SDHB: variants seen among roughly 807,000 people sequenced by gnomAD.
SDHB encodes the protein succinate dehydrogenase [ubiquinone] iron-sulfur subunit, mitochondrial.
SDHB carries 21 observed loss-of-function variants against 39.7 expected under a neutral mutation model. The ratio of observed to expected loss-of-function variants is 0.53; its 90% CI spans 0.37 to 0.76. The LOEUF (loss-of-function observed/expected upper bound fraction) is 0.76, where lower values mean the gene tolerates loss of function less well. Ranked by LOEUF, SDHB falls within the 30% of genes least tolerant of loss-of-function variation. SDHB has a pLI of 0.00. For synonymous variants in SDHB, 118 were observed against 117.0 expected (o/e 1.01, Z -0.06); for missense variants, 343 against 350.9 (o/e 0.98, Z 0.18).
At chr1:17,019,939 G>A (rs1160821865) in intron 7 of SDHB, among the ~76,000 whole-genome samples, 6 of 152,118 alleles carry the variant, frequency 3.9e-5, no homozygotes, top group Non-Finnish European at 5.9e-5. Context: ...ATCTCACTAT[G>A]TTGTCCAGGC....
intron 1 of SDHB, among the ~76,000 whole-genome samples, chr1:17,050,301 GTCA>G (rs1336565688): frequency 2.0e-5 from 3 of 151,668 alleles, no homozygotes; most frequent in African/African-American, 4.9e-5. Context: ...GCCCCAAAAT[GTCA>G]TCATTTTTTT....
intron 1 of SDHB, chr1:17,052,566 T>A (rs577974398): frequency 3.9e-5 from 6 of 152,242 alleles, no homozygotes; most frequent in Non-Finnish European, 8.8e-5. Flanking sequence ...CACAATTTAA[T>A]TGTTTGCTCA....
intron 3 of SDHB, among the ~76,000 whole-genome samples, chr1:17,029,897 C>T (rs568876299): frequency 6.6e-6 from 1 of 152,204 alleles, no homozygotes; most frequent in East Asian, 1.9e-4. Flanking sequence ...CCATGTGCGG[C>T]GAATTCAAAA....
At chr1:17,041,169 T>C (rs1406493342) in intron 2 of SDHB, among the ~76,000 whole-genome samples, 1 of 152,074 alleles carries the variant, frequency 6.6e-6, no homozygotes, top group Non-Finnish European at 1.5e-5. Context: ...AACTATATAA[T>C]TTCTATTAAT....
chr1:17,041,005 C>T (rs548135110), intron 2 of SDHB, among the ~76,000 whole-genome samples: 44 of 152,222 alleles, frequency 2.9e-4, no homozygotes, highest in African/African-American at 1.0e-3. Context: ...TGGTGCACGT[C>T]TGTAATCCCA....
At chr1:17,028,249 T>C (rs2078002590) in intron 4 of SDHB, among the ~76,000 whole-genome samples, 1 of 152,250 alleles carries the variant, frequency 6.6e-6, no homozygotes, top group African/African-American at 2.4e-5. Context: ...GGCCAAATTA[T>C]TCATTTCTGG....
chr1:17,036,289 T>C (rs1434193093), intron 2 of SDHB, among the ~76,000 whole-genome samples: 1 of 152,140 alleles, frequency 6.6e-6, no homozygotes, highest in African/African-American at 2.4e-5. Flanking sequence ...GTTTTACAGT[T>C]TTTCAGCATA....
rs764875162 is a variant in SDHB at position 17,053,975 on chromosome 1, G to A, written c.45C>T (p.Ala15=). 6 of 1,613,156 alleles carry A rather than the reference G, an allele frequency of 3.7e-6. No individual in the cohort carries two copies. Among genetic ancestry groups the A allele is most frequent in the Admixed American group, 3.3e-5 (2 of 59,980 alleles). Residue 15 remains alanine, a synonymous_variant, in exon 1 of 8, where the codon GCC becomes GCT. Transcript: ENST00000375499. ...GCAGGCAGGCTCCGCCAAGGGTTGT[G>A]GCCGGCAACCGGCGCCTCAAGGAGA... ...VALSLRRRLP[A]TTLGGACLQA... is the part of the protein sequence containing the mutation.
At chr1:17,028,556 C>T (rs1252125618) in intron 4 of SDHB, 44 bp downstream of exon 4, 1 of 1,607,194 alleles carries the variant, frequency 6.2e-7, no homozygotes, top group Admixed American at 1.7e-5. Context: ...TAGCACTGCC[C>T]CCCATGCAAA....
intron 6 of SDHB, 96 bp from the exon 7 acceptor site, chr1:17,022,826 A>G: frequency 6.8e-7 from 1 of 1,476,304 alleles, no homozygotes; most frequent in Non-Finnish European, 9.2e-7. Flanking sequence ...AGGAAAGGGA[A>G]TTCACTCAGC....
rs138127223 is a variant in SDHB, at chr1:17,029,490, G to T, written c.287-754C>A. Among the ~76,000 whole-genome samples the T allele has an allele frequency of 4.6e-4, 69 of 151,458 alleles. No individual in the cohort carries two copies. The East Asian group carries it at 0.013, about 29-fold the overall frequency. The stretch of plus-strand genomic sequence containing the variant: ...CTTGTTGCCCAGGCTGGAGTGCAAT[G>T]CCGCGATCTTGGCTCACTGCAACCT... On this transcript the variant is annotated intron_variant, in intron 3 of 7. Transcript: ENST00000375499.
chr1:17,023,942 T>A, intron 6 of SDHB, 31 bp downstream of exon 6: 1 of 1,537,096 alleles, frequency 6.5e-7, no homozygotes, highest in Non-Finnish European at 9.0e-7. Context: ...TGAGTTTCAA[T>A]TTCTCTTAAA....
intron 2 of SDHB, among the ~76,000 whole-genome samples, chr1:17,040,485 T>C (rs1199733297): frequency 1.3e-5 from 2 of 152,182 alleles, no homozygotes; most frequent in Admixed American, 1.3e-4. Flanking sequence ...TGCATGGTCT[T>C]ACTCTGCTGC....
At chr1:17,042,731 G>A (rs2078087611) in intron 2 of SDHB, among the ~76,000 whole-genome samples, 1 of 151,740 alleles carries the variant, frequency 6.6e-6, no homozygotes, top group African/African-American at 2.4e-5. Context: ...TGAACCGTGA[G>A]CATGCCATTG....
chr1:17,043,540 C>T (rs899491311), intron 2 of SDHB, among the ~76,000 whole-genome samples: 1 of 152,146 alleles, frequency 6.6e-6, no homozygotes, highest in South Asian at 2.1e-4. Context: ...AACACTTATT[C>T]ACTTACACAT....
At chr1:17,049,609 T>A (rs1329490959) in intron 1 of SDHB, among the ~76,000 whole-genome samples, 1 of 141,474 alleles carries the variant, frequency 7.1e-6, no homozygotes, top group Non-Finnish European at 1.5e-5. Context: ...TAACCGGGCT[T>A]TAAACAGAAT....
chr1:17,042,775 C>A (rs77000330), intron 2 of SDHB, among the ~76,000 whole-genome samples: 3 of 148,846 alleles, frequency 2.0e-5, no homozygotes, highest in African/African-American at 2.5e-5. Context: ...GACCCTGACT[C>A]AAAAAAAAAG....
rs1557741072 is a variant in SDHB, at chr1:17,027,744, A to G, written c.540+5T>C. On this transcript the variant is annotated splice_donor_5th_base_variant and intron_variant, in intron 5 of 7. Transcript: ENST00000375499. ...AGATTGAAACAATAAATAGGGACTAATGACCAGTTTCTCACGCTCTTCTAT... is the reference window on the plus strand; with the variant it reads ...AGATTGAAACAATAAATAGGGACTAGTGACCAGTTTCTCACGCTCTTCTAT... 1 of 1,482,598 alleles carries G rather than the reference A, an allele frequency of 6.7e-7. No homozygotes were observed. The highest frequency in any genetic ancestry group is 9.4e-7 in the Non-Finnish European group (1 of 1,060,062). 91.8% of individuals were successfully genotyped at this position (1,482,598 alleles called of 1,614,324 possible).
chr1:17,030,205 T>C (rs2078015021), intron 3 of SDHB, among the ~76,000 whole-genome samples: 1 of 151,706 alleles, frequency 6.6e-6, no homozygotes, highest in South Asian at 2.1e-4. Flanking sequence ...AAGAAAAAAA[T>C]AATTGTTTTT....
Sources: gnomAD v4.1 joint callset for allele counts (sites outside exome capture counted in the v4.1 genomes callset) on GRCh38, gnomAD v4.1.1 for gene constraint, MANE v1.5 for transcripts, NCBI Gene and HGNC (gene_info 2026-07-23, HGNC 2026-07-21) for gene names.